The following PPP2R2C variants were observed in gnomAD, a reference collection of about 807,000 sequenced individuals.
PPP2R2C encodes protein phosphatase 2 regulatory subunit Bgamma.
PPP2R2C carries 10 observed loss-of-function variants against 45.3 expected under a neutral mutation model. That is an observed-to-expected ratio of 0.22 (90% CI 0.14 to 0.37). PPP2R2C has a LOEUF of 0.37. Ranked by LOEUF, PPP2R2C falls within the 10% of genes least tolerant of loss-of-function variation. The pLI, the probability that PPP2R2C is intolerant of heterozygous loss-of-function variation, is 1.00. For missense variants in PPP2R2C, 308 were observed against 619.7 expected (o/e 0.50, Z 5.34); for synonymous variants, 257 against 245.4 (o/e 1.05, Z -0.44).
At chr4:6,535,304 T>C in exon 2 of PPP2R2C, 3 of 1,535,434 alleles carry the variant, frequency 2.0e-6, no homozygotes, top group Non-Finnish European at 2.6e-6. Context: ...GGCCTCAACG[T>C]GTCCGCCTCA....
chr4:6,562,650 C>A (rs575128158), intron 1 of PPP2R2C, among the ~76,000 whole-genome samples: 2 of 152,304 alleles, frequency 1.3e-5, no homozygotes, highest in Admixed American at 1.3e-4. Flanking sequence ...ACCAGTACCC[C>A]CCATAGGCCT....
intron 1 of PPP2R2C, among the ~76,000 whole-genome samples, chr4:6,458,005 T>C (rs1577198304): frequency 6.6e-6 from 1 of 152,364 alleles, no homozygotes; most frequent in Admixed American, 6.5e-5. Context: ...ACTCCTTTCC[T>C]GGTTTACATC....
At chr4:6,527,137 T>TTA (rs386399159) in intron 2 of PPP2R2C, among the ~76,000 whole-genome samples, 65 of 152,066 alleles carry the variant, frequency 4.3e-4, no homozygotes, top group African/African-American at 1.5e-3. Context: ...TCAGTTTTTT[T>TTA]ATCTGTGCCA....
At chr4:6,326,496 G>C (rs1320389386) in intron 8 of PPP2R2C, among the ~76,000 whole-genome samples, 1 of 152,192 alleles carries the variant, frequency 6.6e-6, no homozygotes, top group Admixed American at 6.5e-5. Context: ...GCCTGTTGTG[G>C]GAGGGCCTGC....
chr4:6,347,803 C>A, intron 6 of PPP2R2C, 43 bp downstream of exon 6: 1 of 1,447,438 alleles, frequency 6.9e-7, no homozygotes, highest in Non-Finnish European at 9.3e-7. Flanking sequence ...ACCCGCCCGC[C>A]TGCCCAATGC....
intron 1 of PPP2R2C, among the ~76,000 whole-genome samples, chr4:6,405,691 G>GC (rs2109357745): frequency 6.6e-6 from 1 of 152,284 alleles, no homozygotes; most frequent in Admixed American, 6.5e-5. Context: ...CTGGGAAGCA[G>GC]CCCCTCTTGA....
chr4:6,399,599 G>T (rs1004757784), intron 1 of PPP2R2C, among the ~76,000 whole-genome samples: 34 of 152,196 alleles, frequency 2.2e-4, no homozygotes, highest in Non-Finnish European at 2.1e-4. Context: ...ACTCTCCCAG[G>T]TGTACACAGC....
chr4:6,496,691 A>C (rs1722889726), intron 2 of PPP2R2C, among the ~76,000 whole-genome samples: 1 of 151,998 alleles, frequency 6.6e-6, no homozygotes, highest in Admixed American at 6.5e-5. Flanking sequence ...GTGAAACCCT[A>C]TCTCTACTAA....
In PPP2R2C at chr4:6,504,030, G is replaced by C. The variant is rs886541345; in HGVS notation, c.49+31241C>G. Reference sequence around the variant, plus strand: ...TCATGCTTTGTGGCAGTTGGCCTGAGAGCAGTCCTCCTCCTGCACCATTCA... The same window carrying C: ...TCATGCTTTGTGGCAGTTGGCCTGACAGCAGTCCTCCTCCTGCACCATTCA... On this transcript the variant is annotated intron_variant, in intron 2 of 9. Coordinates refer to the PPP2R2C transcript ENST00000506140. Among the ~76,000 whole-genome samples, 5 of 152,360 alleles carry C rather than the reference G, an allele frequency of 3.3e-5. No homozygotes were observed. In the South Asian group the frequency reaches 8.3e-4, roughly 25 times the overall value.
intron 5 of PPP2R2C, chr4:6,351,310 C>T (rs1230666322): frequency 1.1e-6 from 1 of 909,006 alleles, no homozygotes; most frequent in African/African-American, 1.8e-5. Flanking sequence ...AAGACTCCAT[C>T]TCAAAAATAA....
intron 1 of PPP2R2C, among the ~76,000 whole-genome samples, chr4:6,551,027 G>A (rs932940469): frequency 6.6e-6 from 1 of 152,164 alleles, no homozygotes; most frequent in Non-Finnish European, 1.5e-5. Context: ...CGCCTCCGGG[G>A]CCATGGAGCC....
chr4:6,356,344 C>T (rs1213137231), intron 5 of PPP2R2C, among the ~76,000 whole-genome samples: 1 of 152,184 alleles, frequency 6.6e-6, no homozygotes, highest in Non-Finnish European at 1.5e-5. Flanking sequence ...GTGAGGTGTG[C>T]CCCTTCTACA....
chr4:6,430,567 T>C (rs1719558687), intron 1 of PPP2R2C, among the ~76,000 whole-genome samples: 2 of 152,194 alleles, frequency 1.3e-5, no homozygotes, highest in South Asian at 2.1e-4. Context: ...GGGAAACATG[T>C]TGAAATGTTC....
chr4:6,510,994 C>CAAAAAAAAAAAA (rs200316130), intron 2 of PPP2R2C, among the ~76,000 whole-genome samples: 1 of 33,228 alleles, frequency 3.0e-5, no homozygotes, highest in Non-Finnish European at 1.3e-4. Context: ...AAAAAACAAA[C>CAAAAAAAAAAAA]AAACAAAAAA....
intron 1 of PPP2R2C, among the ~76,000 whole-genome samples, chr4:6,558,199 G>A (rs958077344): frequency 6.6e-6 from 1 of 152,230 alleles, no homozygotes; most frequent in African/African-American, 2.4e-5. Flanking sequence ...AACAGGCTCT[G>A]CCTGTGCCAA....
intron 5 of PPP2R2C, among the ~76,000 whole-genome samples, chr4:6,369,629 C>T (rs1714639192): frequency 6.6e-6 from 1 of 152,196 alleles, no homozygotes; most frequent in Non-Finnish European, 1.5e-5. Context: ...ATCCACAGTG[C>T]CACAGCTCCG....
At chr4:6,349,465 T>C (rs956914529) in intron 5 of PPP2R2C, 14 of 985,152 alleles carry the variant, frequency 1.4e-5, no homozygotes, top group African/African-American at 3.5e-5. Context: ...TCAATGAATG[T>C]CAGTTTCCAT....
intron 1 of PPP2R2C, among the ~76,000 whole-genome samples, chr4:6,427,721 G>A (rs765853982): frequency 2.0e-5 from 3 of 152,226 alleles, no homozygotes; most frequent in Non-Finnish European, 2.9e-5. Flanking sequence ...GGAGCCCCTG[G>A]AGGCAAGGAG....
intron 1 of PPP2R2C, among the ~76,000 whole-genome samples, chr4:6,399,943 C>T (rs1341043527): frequency 2.0e-5 from 3 of 152,344 alleles, no homozygotes; most frequent in South Asian, 2.1e-4. Context: ...TCAAGCCAGC[C>T]ATGGCTGTGT....
Sources: allele counts gnomAD v4.1 joint callset (sites outside exome capture counted in the v4.1 genomes callset), GRCh38; gene constraint gnomAD v4.1.1; transcripts MANE v1.5; gene names NCBI Gene and HGNC (gene_info 2026-07-23, HGNC 2026-07-21).